BRWD3: variants seen among roughly 807,000 people sequenced by gnomAD.
BRWD3 encodes bromodomain and WD repeat domain containing 3, also known as bromodomain and WD repeat-containing protein 3.
In BRWD3, 10 loss-of-function variants were observed where a neutral mutation model predicts 149.7. The ratio of observed to expected loss-of-function variants is 0.07; its 90% confidence interval spans 0.04 to 0.11. BRWD3 has a LOEUF of 0.11. Ranked by LOEUF, BRWD3 falls within the 10% of genes least tolerant of loss-of-function variation. The pLI is 1.00. For synonymous variants in BRWD3, 504 were observed against 456.7 expected, an observed-to-expected ratio of 1.10 and a Z score of -1.32; for missense variants, 940 against 1,373.2, an observed-to-expected ratio of 0.68 and a Z score of 4.99.
chrX:80,687,609 G>A (rs1381074896), intron 34 of BRWD3, among the ~76,000 whole-genome samples: 4 of 111,040 alleles, frequency 3.6e-5, no homozygotes, highest in Non-Finnish European at 5.7e-5. Context: ...CATTTGAATG[G>A]CTTCCTAAAT....
chrX:80,710,374 T>A (rs775499789), intron 20 of BRWD3: 2 of 338,264 alleles, frequency 5.9e-6, no homozygotes, highest in Non-Finnish European at 1.1e-5. Context: ...TGCTGACTAT[T>A]TTGACTACAG....
chrX:80,719,644 A>G lies in BRWD3; in HGVS notation c.1889T>C (p.Val630Ala). 1.7e-6 allele frequency: 2 copies of G among 1,210,331 alleles called. No individual in the cohort carries two copies. Among genetic ancestry groups the G allele is most frequent in the Non-Finnish European group, 1.1e-6 (1 of 894,632 alleles). ...TTGCTGCCCAATTACCTGTTCTACTACCTCACCATCACCTTAATAAGACCA... is the reference window on the plus strand; with the variant it reads ...TTGCTGCCCAATTACCTGTTCTACTGCCTCACCATCACCTTAATAAGACCA... ...LGYVANGDGE[V>A]VEQVIGQQTN... is the part of the protein sequence containing the mutation. Residue 630 changes from valine (V) to alanine (A), a missense_variant, in exon 18 of 41, where the codon GTA becomes GCA. By Grantham distance (64) the Val-to-Ala change is moderately conservative. Transcript: ENST00000373275.
Position 80,793,786 on chromosome X carries a change from A to T in BRWD3, c.181-14T>A. The stretch of plus-strand genomic sequence containing the variant: ...ATTTGCTGCCACCTAAAAAAGTATA[A>T]ATAAAACACAGGAAAAACACATTTA... On this transcript the variant is annotated splice_polypyrimidine_tract_variant and intron_variant, in intron 4 of 40. Transcript: ENST00000373275. 1 of 1,195,381 alleles carries T rather than the reference A, an allele frequency of 8.4e-7. No individual in the cohort carries two copies.
intron 4 of BRWD3, among the ~76,000 whole-genome samples, chrX:80,798,536 T>C (rs1210952568): frequency 1.8e-5 from 2 of 110,720 alleles, no homozygotes; most frequent in African/African-American, 6.6e-5. Context: ...CTCTCTGGAA[T>C]ATAATGGCTG....
chrX:80,700,371 G>T (rs1054186297), intron 24 of BRWD3, among the ~76,000 whole-genome samples: 5 of 87,032 alleles, frequency 5.7e-5, no homozygotes, highest in Admixed American at 1.5e-4. Context: ...AAGTATATGT[G>T]CCCCTCCATA....
intron 6 of BRWD3, among the ~76,000 whole-genome samples, chrX:80,763,785 T>C (rs188622623): frequency 6.2e-5 from 7 of 112,196 alleles, no homozygotes; most frequent in Admixed American, 1.9e-4. Flanking sequence ...ATTGGAAAGT[T>C]TGACAGAGTA....
intron 8 of BRWD3, among the ~76,000 whole-genome samples, chrX:80,736,452 G>T (rs755925203): frequency 4.0e-4 from 45 of 111,444 alleles, no homozygotes; most frequent in Admixed American, 3.8e-4. Flanking sequence ...TACACTTATA[G>T]AAACAACTGT....
intron 6 of BRWD3, among the ~76,000 whole-genome samples, chrX:80,760,618 A>C (rs1394930071): frequency 1.8e-5 from 2 of 111,781 alleles, no homozygotes; most frequent in African/African-American, 6.5e-5. Context: ...TATATGAAAT[A>C]TTGTAACCCA....
At chrX:80,680,679 G>A (rs773849488) in intron 40 of BRWD3, among the ~76,000 whole-genome samples, 14 of 111,337 alleles carry the variant, frequency 1.3e-4, no homozygotes, top group Admixed American at 3.8e-4. Flanking sequence ...AAAAATATGA[G>A]ACCTATTTAA....
intron 4 of BRWD3, among the ~76,000 whole-genome samples, chrX:80,803,619 T>A (rs1375200478): frequency 8.9e-6 from 1 of 111,986 alleles, no homozygotes; most frequent in Non-Finnish European, 1.9e-5. Flanking sequence ...CCTCTCTCTG[T>A]CATAATACCT....
At chrX:80,712,385 G>A (rs1490074218) in intron 20 of BRWD3, among the ~76,000 whole-genome samples, 7 of 110,427 alleles carry the variant, frequency 6.3e-5, no homozygotes, top group South Asian at 3.9e-4. Flanking sequence ...TCCTAATCGC[G>A]AGTGATCCGC....
intron 6 of BRWD3, among the ~76,000 whole-genome samples, chrX:80,748,261 C>T (rs768663927): frequency 2.7e-5 from 3 of 112,222 alleles, no homozygotes; most frequent in Admixed American, 9.5e-5. Context: ...GATCTGCCCA[C>T]CTCGGCCTCC....
chrX:80,803,026 C>T (rs12688766), intron 4 of BRWD3, among the ~76,000 whole-genome samples: 8,499 of 104,138 alleles, frequency 0.082, 374 homozygotes, highest in South Asian at 0.19. Flanking sequence ...GGCGTGAACC[C>T]GGGAGGCGGA....
chrX:80,727,021 T>C (rs2073260606), intron 14 of BRWD3, among the ~76,000 whole-genome samples: 1 of 110,360 alleles, frequency 9.1e-6, no homozygotes, highest in South Asian at 3.8e-4. Flanking sequence ...GCTGGGGATT[T>C]TCATTTTTTT....
At chrX:80,698,084 G>T (rs1208907046) in intron 25 of BRWD3, among the ~76,000 whole-genome samples, 3 of 111,984 alleles carry the variant, frequency 2.7e-5, no homozygotes, top group Non-Finnish European at 5.6e-5. Context: ...TTTTTCATAT[G>T]TTTGTTGGTC....
chrX:80,720,986 G>A (rs891272472), intron 17 of BRWD3, among the ~76,000 whole-genome samples: 5 of 112,045 alleles, frequency 4.5e-5, no homozygotes, highest in African/African-American at 1.6e-4. Context: ...AGTAAGGTTT[G>A]AACAAGTTTA....
At chrX:80,730,389 A>AAAAGAAAGAAAGAAAGAAAGAAAG (rs56311451) in intron 12 of BRWD3, among the ~76,000 whole-genome samples, 48 of 77,671 alleles carry the variant, frequency 6.2e-4, no homozygotes, top group Admixed American at 9.5e-4. Flanking sequence ...ATTATTTAGC[A>AAAAGAAAGAAAGAAAGAAAGAAAG]AAAGAAAGAA....
chrX:80,757,320 G>T (rs1160617766), intron 6 of BRWD3, among the ~76,000 whole-genome samples: 2 of 111,649 alleles, frequency 1.8e-5, no homozygotes, highest in African/African-American at 6.5e-5. Context: ...CATAATTTTA[G>T]CCAGGAAAAC....
chrX:80,726,360 C>T (rs1271891700), intron 14 of BRWD3, among the ~76,000 whole-genome samples: 1 of 61,415 alleles, frequency 1.6e-5, no homozygotes, highest in African/African-American at 8.0e-5. Context: ...TAACATATAA[C>T]ATGTTTACAT....
Sources: allele counts gnomAD v4.1 joint callset (sites outside exome capture counted in the v4.1 genomes callset), GRCh38; gene constraint gnomAD v4.1.1; transcripts MANE v1.5; gene names NCBI Gene and HGNC (gene_info 2026-07-23, HGNC 2026-07-21).